ZFPM2: variants seen among roughly 807,000 people sequenced by gnomAD.
The protein encoded by ZFPM2 is zinc finger protein ZFPM2.
ZFPM2 carries 20 observed loss-of-function variants against 98.6 expected under a neutral mutation model. The ratio of observed to expected loss-of-function variants is 0.20; its 90% CI spans 0.14 to 0.29. The LOEUF is 0.29. ZFPM2 is among the 10% of genes least tolerant of loss of function. The pLI is 1.00. For synonymous variants in ZFPM2, 518 were observed against 502.7 expected (o/e 1.03, Z -0.41); for missense variants, 1,310 against 1,388.6 (o/e 0.94, Z 0.90).
At position 105,450,061 on chromosome 8, in the gene ZFPM2, T is replaced by C. The variant is rs549370523; in HGVS notation, c.301+5680T>C. Among the ~76,000 whole-genome samples the C allele has an allele frequency of 1.6e-3, 238 of 152,218 alleles. 3 individuals are homozygous for C. Among genetic ancestry groups the C allele is most frequent in the African/African-American group, 5.4e-3 (225 of 41,564 alleles). On this transcript the variant is annotated intron_variant, in intron 3 of 7. Coordinates refer to ENST00000407775, the MANE Select transcript of ZFPM2 (RefSeq NM_012082.4). The stretch of plus-strand genomic sequence containing the variant: ...ATGTAAATAAATTTTCAAAAATAAA[T>C]GTCTAGGGCAAAATCAGACCTGTCT...
chr8:105,648,521 T>G (rs1027267406), intron 5 of ZFPM2, among the ~76,000 whole-genome samples: 4 of 152,228 alleles, frequency 2.6e-5, no homozygotes, highest in Non-Finnish European at 5.9e-5. Context: ...GTCTAACATT[T>G]AAGTCTTTAA....
intron 5 of ZFPM2, among the ~76,000 whole-genome samples, chr8:105,637,875 A>G (rs535233951): frequency 6.6e-6 from 1 of 152,106 alleles, no homozygotes; most frequent in African/African-American, 2.4e-5. Flanking sequence ...CATTTTCGTA[A>G]TGCCTATATT....
At position 105,599,714 on chromosome 8, in the gene ZFPM2, G is replaced by A. The variant is rs561959513; in HGVS notation, c.421-34532G>A. On this transcript the variant is annotated intron_variant, in intron 4 of 7. Transcript: ENST00000407775. ...TAGCTCCTTTCTCAAGTCAGCCAGGGCTGCACCATCAGCCCTATCACAACT... is the reference window on the plus strand; with the variant it reads ...TAGCTCCTTTCTCAAGTCAGCCAGGACTGCACCATCAGCCCTATCACAACT... Among the ~76,000 whole-genome samples the A allele has an allele frequency of 8.5e-5, 13 of 152,190 alleles. 1 individual carries two copies. The South Asian group carries it at 2.7e-3, about 32-fold the overall frequency.
Position 105,801,080 on chromosome 8 carries a change from C to T in ZFPM2, c.998C>T (p.Ala333Val), listed in dbSNP as rs746539312. The T allele has an allele frequency of 6.2e-7, 1 of 1,613,652 alleles. No homozygotes were observed. The highest frequency in any genetic ancestry group is 8.5e-7 in the Non-Finnish European group (1 of 1,179,660). Residue 333 changes from alanine to valine, a missense_variant, in exon 8 of 8, where the codon GCT becomes GTT. Transcript: ENST00000407775. ...ATGGAAGAATTCCTGCCCCCTGGTG[C>T]TAGTCTAAAATGCACCGTCTGTAGC... ...VKMEEFLPPGASLKCTVCSYT... is the reference protein window; with the variant it reads ...VKMEEFLPPGVSLKCTVCSYT...
At chr8:105,435,694 A>T (rs1349537885) in intron 2 of ZFPM2, among the ~76,000 whole-genome samples, 1 of 152,164 alleles carries the variant, frequency 6.6e-6, no homozygotes. Context: ...AATAAAGTCA[A>T]TTTCATTTAA....
intron 4 of ZFPM2, among the ~76,000 whole-genome samples, chr8:105,579,626 C>T (rs1815542863): frequency 6.6e-6 from 1 of 152,118 alleles, no homozygotes; most frequent in South Asian, 2.1e-4. Context: ...AGAAAAAGAG[C>T]ATATCGTGGG....
At chr8:105,550,031 G>T (rs544134705) in intron 3 of ZFPM2, among the ~76,000 whole-genome samples, 1 of 152,226 alleles carries the variant, frequency 6.6e-6, no homozygotes, top group East Asian at 1.9e-4. Context: ...TGATTATCAG[G>T]TGGAGAGAGG....
At position 105,801,606 on chromosome 8, in the gene ZFPM2, C is replaced by G; in HGVS notation, c.1524C>G (p.Thr508=). 6.2e-7 allele frequency: 1 copy of G among 1,613,838 alleles called. No individual in the cohort carries two copies. Among genetic ancestry groups the G allele is most frequent in the Non-Finnish European group, 8.5e-7 (1 of 1,179,876 alleles). The change falls in exon 8 of 8, where the codon ACC becomes ACG. Residue 508 remains threonine, a synonymous_variant. Transcript: ENST00000407775. ...LSQFSFPQDI[T]MVPQASEILA... Reference sequence around the variant, plus strand: ...AGTTTTCTTTCCCCCAAGATATCACCATGGTCCCTCAAGCTTCAGAGATCT... The same window carrying G: ...AGTTTTCTTTCCCCCAAGATATCACGATGGTCCCTCAAGCTTCAGAGATCT...
intron 4 of ZFPM2, among the ~76,000 whole-genome samples, chr8:105,568,769 C>T (rs1010910061): frequency 6.6e-5 from 10 of 152,070 alleles, no homozygotes; most frequent in South Asian, 2.1e-4. Flanking sequence ...CTAAAGGGCA[C>T]GAGAATACCC....
intron 1 of ZFPM2, among the ~76,000 whole-genome samples, chr8:105,356,508 A>G (rs964601383): frequency 8.5e-5 from 13 of 152,198 alleles, no homozygotes; most frequent in Non-Finnish European, 1.9e-4. Context: ...AGGATCTGTA[A>G]TCTGAGACAC....
rs1206069264 is a variant in ZFPM2, at chr8:105,590,766, A to G, written c.420+29285A>G. Reference sequence around the variant, plus strand: ...TGCATGTGCATACGTGCGCACGCACACACACACACACACACACACAGAGTC... The same window carrying G: ...TGCATGTGCATACGTGCGCACGCACGCACACACACACACACACACAGAGTC... On this transcript the variant is annotated intron_variant, in intron 4 of 7. Transcript: ENST00000407775. Among the ~76,000 whole-genome samples the G allele has an allele frequency of 8.9e-5, 13 of 145,564 alleles. No individual in the cohort carries two copies. The South Asian group carries it at 1.1e-3, about 12-fold the overall frequency.
At chr8:105,545,718 TGTAA>T (rs1053149020) in intron 3 of ZFPM2, among the ~76,000 whole-genome samples, 8 of 152,184 alleles carry the variant, frequency 5.3e-5, no homozygotes, top group Non-Finnish European at 8.8e-5. Context: ...TAGTAAATGC[TGTAA>T]GTTTTATCTT....
At chr8:105,726,751 A>G (rs1586222963) in intron 5 of ZFPM2, among the ~76,000 whole-genome samples, 1 of 151,810 alleles carries the variant, frequency 6.6e-6, no homozygotes, top group South Asian at 2.1e-4. Context: ...GTGTGGCAGG[A>G]TGTGAGGGAA....
At chr8:105,433,559 G>A (rs187467521) in intron 2 of ZFPM2, among the ~76,000 whole-genome samples, 3 of 152,182 alleles carry the variant, frequency 2.0e-5, no homozygotes, top group Admixed American at 1.3e-4. Context: ...AGGCCGAGGC[G>A]GTTGGATCAC....
At chr8:105,346,824 A>G (rs986287264) in intron 1 of ZFPM2, among the ~76,000 whole-genome samples, 4 of 152,318 alleles carry the variant, frequency 2.6e-5, no homozygotes, top group Admixed American at 1.3e-4. Context: ...TTCTGCTGCA[A>G]AATGACAGGA....
intron 2 of ZFPM2, among the ~76,000 whole-genome samples, chr8:105,435,173 C>G (rs1251647951): frequency 6.6e-6 from 1 of 152,052 alleles, no homozygotes; most frequent in Non-Finnish European, 1.5e-5. Flanking sequence ...GATTCTGAAA[C>G]CTAGACTAAG....
intron 5 of ZFPM2, among the ~76,000 whole-genome samples, chr8:105,761,810 G>A (rs1350532660): frequency 6.6e-6 from 1 of 151,782 alleles, no homozygotes; most frequent in African/African-American, 2.4e-5. Flanking sequence ...AAAGTTATGC[G>A]AGTTTGATAA....
chr8:105,496,966 G>A (rs1159356667), intron 3 of ZFPM2, among the ~76,000 whole-genome samples: 1 of 112,914 alleles, frequency 8.9e-6, no homozygotes, highest in East Asian at 3.1e-4. Flanking sequence ...TGGGCAACAA[G>A]AGTGAAACTC....
chr8:105,382,263 A>G (rs1343671523), intron 1 of ZFPM2, among the ~76,000 whole-genome samples: 1 of 151,838 alleles, frequency 6.6e-6, no homozygotes, highest in African/African-American at 2.4e-5. Context: ...TGCACTCTAG[A>G]GAGTACTTAA....
Sources: gnomAD v4.1 joint callset for allele counts (sites outside exome capture counted in the v4.1 genomes callset) on GRCh38, gnomAD v4.1.1 for gene constraint, MANE v1.5 for transcripts, NCBI Gene and HGNC (gene_info 2026-07-23, HGNC 2026-07-21) for gene names.